The following SYCP2L variants were observed in gnomAD, a reference collection of about 807,000 sequenced individuals.
The protein encoded by SYCP2L is synaptonemal complex protein 2-like.
In SYCP2L, 98 loss-of-function variants were observed where a neutral mutation model predicts 125.8. The observed-to-expected ratio is 0.78, with a 90% CI of 0.66 to 0.92. The LOEUF (loss-of-function observed/expected upper bound fraction) is 0.92. SYCP2L is among the 40% of genes least tolerant of loss of function. The pLI is 0.00. For synonymous variants in SYCP2L, 317 were observed against 325.4 expected, an observed-to-expected ratio of 0.97 and a Z score of 0.28; for missense variants, 842 against 936.4, an observed-to-expected ratio of 0.90 and a Z score of 1.32.
At chr6:10,950,849 C>T (rs1781398610) in intron 23 of SYCP2L, among the ~76,000 whole-genome samples, 1 of 152,096 alleles carries the variant, frequency 6.6e-6, no homozygotes, top group Non-Finnish European at 1.5e-5. Flanking sequence ...TTCGTAGAGA[C>T]AGGGATTTGA....
chr6:10,896,482 A>G (rs1437603599), intron 4 of SYCP2L, among the ~76,000 whole-genome samples: 1 of 152,166 alleles, frequency 6.6e-6, no homozygotes, highest in African/African-American at 2.4e-5. Context: ...TGGAGTGGTG[A>G]CAAAAATGTA....
intron 28 of SYCP2L, among the ~76,000 whole-genome samples, chr6:10,962,471 A>C (rs1781611614): frequency 6.6e-6 from 1 of 152,242 alleles, no homozygotes; most frequent in Admixed American, 6.5e-5. Flanking sequence ...TCTTCACTTA[A>C]TACCCATGGT....
At chr6:10,936,412 G>T (rs1418473745) in intron 21 of SYCP2L, among the ~76,000 whole-genome samples, 3 of 152,030 alleles carry the variant, frequency 2.0e-5, no homozygotes, top group African/African-American at 7.2e-5. Flanking sequence ...CAGGAGAATT[G>T]CTTGAACCGG....
At chr6:10,898,738 G>A in intron 5 of SYCP2L, 86 bp from the exon 6 acceptor site, 1 of 927,216 alleles carries the variant, frequency 1.1e-6, no homozygotes, top group Non-Finnish European at 1.7e-6. Context: ...GCCTGTTAGA[G>A]AAAGTTAACA....
chr6:10,928,056 T>C (rs1780928930), intron 17 of SYCP2L, among the ~76,000 whole-genome samples: 1 of 152,194 alleles, frequency 6.6e-6, no homozygotes, highest in African/African-American at 2.4e-5. Flanking sequence ...TCCTGTTCTT[T>C]TTTCAAGGTG....
intron 23 of SYCP2L, among the ~76,000 whole-genome samples, chr6:10,948,635 G>A (rs1781357381): frequency 6.6e-6 from 1 of 151,582 alleles, no homozygotes; most frequent in Non-Finnish European, 1.5e-5. Context: ...TTATTAATGA[G>A]CTTTACATCT....
At chr6:10,916,827 T>TAAAAA (rs1451811242) in intron 14 of SYCP2L, among the ~76,000 whole-genome samples, 1 of 152,024 alleles carries the variant, frequency 6.6e-6, no homozygotes, top group Non-Finnish European at 1.5e-5. Context: ...CTGTCTCTAC[T>TAAAAA]AAAAATACAA....
intron 25 of SYCP2L, among the ~76,000 whole-genome samples, chr6:10,956,545 T>C (rs1781505234): frequency 6.6e-6 from 1 of 152,204 alleles, no homozygotes; most frequent in Admixed American, 6.5e-5. Context: ...AGAGAGTATA[T>C]CTTAAGTATT....
intron 29 of SYCP2L, among the ~76,000 whole-genome samples, chr6:10,968,811 C>A (rs1781720439): frequency 6.6e-6 from 1 of 152,068 alleles, no homozygotes; most frequent in Non-Finnish European, 1.5e-5. Context: ...GGATTTGAGA[C>A]CAATGGAGCT....
At chr6:10,957,453 GAAAGC>G (rs1781519560) in intron 25 of SYCP2L, among the ~76,000 whole-genome samples, 1 of 152,180 alleles carries the variant, frequency 6.6e-6, no homozygotes, top group Non-Finnish European at 1.5e-5. Flanking sequence ...TGAACTACCA[GAAAGC>G]AATGATTTGG....
At chr6:10,894,344 C>T in intron 4 of SYCP2L, 140 bp downstream of exon 4, 2 of 1,135,490 alleles carry the variant, frequency 1.8e-6, no homozygotes, top group Non-Finnish European at 2.5e-6. Flanking sequence ...CTTATTGCTT[C>T]TGTCTAACCA....
chr6:10,902,500 C>T (rs761122485), intron 6 of SYCP2L, among the ~76,000 whole-genome samples, 177 bp from the exon 7 acceptor site: 44 of 152,136 alleles, frequency 2.9e-4, no homozygotes, highest in Non-Finnish European at 5.6e-4. Flanking sequence ...TGCACATGCT[C>T]ACAACCCTTA....
In SYCP2L at chr6:10,898,134, C is replaced by G; in HGVS notation, c.441+19C>G. ...TGCATTGGTAAGGATGGGATGGATG[C>G]TTCACTGAGCAGATGCCATTGGTAA... On this transcript the variant is annotated intron_variant, in intron 5 of 29. Transcript: ENST00000283141. 1 of 1,526,988 alleles carries G rather than the reference C, an allele frequency of 6.5e-7. No individual in the cohort carries two copies. Among genetic ancestry groups the G allele is most frequent in the Non-Finnish European group, 9.1e-7 (1 of 1,101,004 alleles). 94.6% of individuals were successfully genotyped at this position (1,526,988 alleles called of 1,614,324 possible).
chr6:10,971,412 C>T (rs1333218432), intron 29 of SYCP2L, among the ~76,000 whole-genome samples: 4 of 143,756 alleles, frequency 2.8e-5, no homozygotes, highest in African/African-American at 5.2e-5. Context: ...GAGCCGAGAT[C>T]GTGCCACTGC....
Position 10,955,214 on chromosome 6 carries a change from C to G in SYCP2L, c.2053C>G (p.Pro685Ala), listed in dbSNP as rs1781482177. The G allele has an allele frequency of 6.3e-7, 1 of 1,599,096 alleles. No individual in the cohort carries two copies. The highest frequency in any genetic ancestry group is 1.7e-5 in the Admixed American group (1 of 59,978). Residue 685 changes from proline to alanine, a missense_variant, in exon 24 of 30, where the codon CCA becomes GCA. By Grantham distance (27) the Pro-to-Ala change is conservative. Transcript: ENST00000283141. ...CTCAATAACAGAAGAAAGAGAGTTG[C>G]CAGGTAACATCATGCACCCAGCCAA... ...PFSITEEREL[P>A]EGISTSSLEV...
intron 29 of SYCP2L, among the ~76,000 whole-genome samples, chr6:10,969,179 T>C (rs754134735): frequency 6.6e-6 from 1 of 152,202 alleles, no homozygotes; most frequent in Non-Finnish European, 1.5e-5. Flanking sequence ...AAGTATATTT[T>C]TATAAGGATG....
At chr6:10,895,286 G>A (rs757127066) in intron 4 of SYCP2L, among the ~76,000 whole-genome samples, 12 of 152,262 alleles carry the variant, frequency 7.9e-5, no homozygotes, top group East Asian at 1.9e-4. Context: ...CTTCTTCTGC[G>A]CAGAGGGGTA....
At position 10,891,494 on chromosome 6, in the gene SYCP2L, A is replaced by G. The variant is rs565159023; in HGVS notation, c.10-19A>G. ...TTTGAAATAAAAATTGTTTAAAAAC[A>G]TGTTTTTATTCCACACAGAAAAACA... On this transcript the variant is annotated intron_variant, in intron 1 of 29. Coordinates refer to ENST00000283141, the MANE Select transcript of SYCP2L (RefSeq NM_001040274.3). 4.6e-6 allele frequency: 7 copies of G among 1,510,458 alleles called. No individual in the cohort carries two copies. In the East Asian group the frequency reaches 1.4e-4, roughly 30 times the overall value. 93.6% of individuals were successfully genotyped at this position (1,510,458 alleles called of 1,614,324 possible).
intron 2 of SYCP2L, among the ~76,000 whole-genome samples, chr6:10,893,159 T>G (rs1413109325): frequency 2.0e-5 from 3 of 152,060 alleles, no homozygotes; most frequent in Non-Finnish European, 4.4e-5. Flanking sequence ...CCACCACGTC[T>G]GGCTAATTTT....
Sources: allele counts gnomAD v4.1 joint callset (sites outside exome capture counted in the v4.1 genomes callset), GRCh38; gene constraint gnomAD v4.1.1; transcripts MANE v1.5; gene names NCBI Gene and HGNC (gene_info 2026-07-23, HGNC 2026-07-21).